MCC: variants seen among roughly 807,000 people sequenced by gnomAD.
MCC encodes MCC regulator of Wnt signaling pathway.
A neutral mutation model predicts 116.2 loss-of-function variants in MCC; 90 were observed. The observed-to-expected ratio is 0.77, with a 90% confidence interval of 0.65 to 0.92. MCC has a LOEUF of 0.92. Among genes scored for constraint, MCC ranks in the 40% least tolerant of loss-of-function variants. The pLI is 0.00. For missense variants in MCC, 1,516 were observed against 1,312.2 expected, an observed-to-expected ratio of 1.16 and a Z score of -2.40; for synonymous variants, 578 against 510.5, an observed-to-expected ratio of 1.13 and a Z score of -1.78.
At chr5:113,377,690 G>C (rs748695275) in intron 2 of MCC, among the ~76,000 whole-genome samples, 5 of 152,142 alleles carry the variant, frequency 3.3e-5, no homozygotes, top group African/African-American at 4.8e-5. Context: ...TTAATAAAAA[G>C]AGACAAAAAT....
intron 3 of MCC, among the ~76,000 whole-genome samples, chr5:113,288,869 T>C (rs1257355625): frequency 6.6e-6 from 1 of 152,178 alleles, no homozygotes; most frequent in Non-Finnish European, 1.5e-5. Flanking sequence ...TTTCTAAACC[T>C]GTAACATGGG....
chr5:113,384,314 C>T (rs987952848), intron 2 of MCC, among the ~76,000 whole-genome samples: 5 of 152,276 alleles, frequency 3.3e-5, no homozygotes, highest in Admixed American at 6.5e-5. Context: ...TTAGGCCAGG[C>T]GCAGCGGCTC....
chr5:113,445,281 T>C (rs1041445644), intron 1 of MCC, among the ~76,000 whole-genome samples: 2 of 152,134 alleles, frequency 1.3e-5, no homozygotes, highest in African/African-American at 4.8e-5. Flanking sequence ...GGAATCCAGA[T>C]AGGAAAAGAA....
chr5:113,330,958 G>GT (rs1271134560), intron 3 of MCC, among the ~76,000 whole-genome samples: 12 of 152,192 alleles, frequency 7.9e-5, no homozygotes, highest in Non-Finnish European at 1.6e-4. Flanking sequence ...ACATGGACCT[G>GT]AACAAGGTTT....
At chr5:113,156,994 T>C (rs1156787649) in intron 3 of MCC, among the ~76,000 whole-genome samples, 3 of 152,118 alleles carry the variant, frequency 2.0e-5, no homozygotes, top group Non-Finnish European at 4.4e-5. Context: ...CATGACAGAC[T>C]CTCCCAGGGG....
chr5:113,135,199 A>G (rs1202132493), intron 5 of MCC, among the ~76,000 whole-genome samples: 1 of 150,156 alleles, frequency 6.7e-6, no homozygotes, highest in African/African-American at 2.4e-5. Context: ...CGGCCTCCCA[A>G]GTTGCTGGGA....
At chr5:113,048,791 G>C (rs961088398) in intron 16 of MCC, 1 of 497,768 alleles carries the variant, frequency 2.0e-6, no homozygotes, top group Non-Finnish European at 3.5e-6. Context: ...GTGTGACAGA[G>C]GATTAGACGA....
intron 1 of MCC, among the ~76,000 whole-genome samples, chr5:113,403,611 G>C (rs1232974505): frequency 1.3e-5 from 2 of 152,226 alleles, no homozygotes; most frequent in Non-Finnish European, 1.5e-5. Context: ...GTGGCTGAGA[G>C]AGAGGTGGTA....
intron 3 of MCC, among the ~76,000 whole-genome samples, chr5:113,152,078 C>A (rs1293095321): frequency 6.6e-6 from 1 of 152,174 alleles, no homozygotes; most frequent in East Asian, 1.9e-4. Flanking sequence ...AGCACCAGAA[C>A]TCTGACAAAT....
intron 3 of MCC, among the ~76,000 whole-genome samples, chr5:113,211,003 G>A (rs1453860100): frequency 6.6e-6 from 1 of 152,186 alleles, no homozygotes; most frequent in South Asian, 2.1e-4. Flanking sequence ...TCTCACTGGT[G>A]TAATTAGTGG....
chr5:113,210,067 G>A (rs1407426047), intron 3 of MCC, among the ~76,000 whole-genome samples: 1 of 152,156 alleles, frequency 6.6e-6, no homozygotes, highest in Non-Finnish European at 1.5e-5. Context: ...CAGCCATAAT[G>A]TGATATACCC....
At chr5:113,055,943 C>T (rs1224609933) in intron 14 of MCC, among the ~76,000 whole-genome samples, 5 of 152,230 alleles carry the variant, frequency 3.3e-5, no homozygotes, top group African/African-American at 1.2e-4. Flanking sequence ...AGGATGGCAA[C>T]ATCAACTCTT....
intron 3 of MCC, chr5:113,294,671 C>T (rs1292975754): frequency 1.9e-6 from 2 of 1,058,816 alleles, no homozygotes; most frequent in Non-Finnish European, 1.1e-6. Context: ...CTCCCGCGCG[C>T]ACCCAGCGCC....
intron 2 of MCC, among the ~76,000 whole-genome samples, chr5:113,377,641 TA>T (rs1456494565): frequency 6.6e-6 from 1 of 152,124 alleles, no homozygotes; most frequent in African/African-American, 2.4e-5. Context: ...GAAGAATCAA[TA>T]GGAATTAGGG....
chr5:113,046,355 C>T (rs1366666498), intron 16 of MCC, among the ~76,000 whole-genome samples: 12 of 151,980 alleles, frequency 7.9e-5, no homozygotes, highest in Non-Finnish European at 1.8e-4. Context: ...CCATGCCCGG[C>T]TAATTTTTGT....
In MCC at chr5:113,257,740, G is replaced by A. The variant is rs532000413; in HGVS notation, c.627+82779C>T. ...GGTGCTGGGATGTGGGTGTGTGAAA[G>A]AAGAGTTTTAAATACATTTAAAGGC... On this transcript the variant is annotated intron_variant, in intron 3 of 18. Transcript: ENST00000408903. Among the ~76,000 whole-genome samples the A allele has an allele frequency of 2.0e-5, 3 of 152,260 alleles. No individual in the cohort carries two copies. The South Asian group carries it at 6.2e-4, about 32-fold the overall frequency.
At chr5:113,401,838 T>G (rs1213982267) in intron 1 of MCC, among the ~76,000 whole-genome samples, 1 of 151,854 alleles carries the variant, frequency 6.6e-6, no homozygotes, top group African/African-American at 2.4e-5. Context: ...AAATTTTACA[T>G]ATTTTTAAAA....
intron 3 of MCC, among the ~76,000 whole-genome samples, chr5:113,262,572 T>C (rs2150349092): frequency 6.6e-6 from 1 of 152,272 alleles, no homozygotes; most frequent in East Asian, 1.9e-4. Context: ...TAATTCCCCA[T>C]CATGACCTTA....
chr5:113,145,737 TACACACACACACACACACAC>T (rs558608537), intron 4 of MCC, among the ~76,000 whole-genome samples: 31,464 of 123,270 alleles, frequency 0.26, 3,483 homozygotes, highest in Middle Eastern at 0.3. Context: ...TAAACTTGCT[TACACACACACACACACACAC>T]ACACACACAC....
Sources: gnomAD v4.1 joint callset for allele counts (sites outside exome capture counted in the v4.1 genomes callset) on GRCh38, gnomAD v4.1.1 for gene constraint, MANE v1.5 for transcripts, NCBI Gene and HGNC (gene_info 2026-07-23, HGNC 2026-07-21) for gene names.